Variants in STX8 observed in about 807,000 individuals in gnomAD.
STX8 encodes the protein syntaxin-8.
Under a neutral mutation model 37.5 loss-of-function variants are expected in STX8, and 23 were observed. That is an observed-to-expected ratio of 0.61 (90% CI 0.44 to 0.87). The LOEUF (loss-of-function observed/expected upper bound fraction) is 0.87, where lower values mean the gene tolerates loss of function less well. Ranked by LOEUF, STX8 falls within the 40% of genes least tolerant of loss-of-function variation. The pLI, the probability that STX8 is intolerant of heterozygous loss-of-function variation, is 0.00. For missense variants in STX8, 313 were observed against 284.7 expected (o/e 1.10, Z -0.71); for synonymous variants, 115 against 99.1 (o/e 1.16, Z -0.95).
intron 4 of STX8, among the ~76,000 whole-genome samples, chr17:9,536,964 TC>T (rs1206050660): frequency 6.6e-6 from 1 of 152,030 alleles, no homozygotes; most frequent in Non-Finnish European, 1.5e-5. Flanking sequence ...GCCAGGCTGG[TC>T]TCAAACCCCT....
At chr17:9,539,666 C>T (rs1441799935) in intron 4 of STX8, among the ~76,000 whole-genome samples, 1 of 151,728 alleles carries the variant, frequency 6.6e-6, no homozygotes, top group Non-Finnish European at 1.5e-5. Context: ...CCAACTGACC[C>T]CCCCCACCCC....
At chr17:9,518,069 C>G (rs1256195952) in intron 4 of STX8, among the ~76,000 whole-genome samples, 1 of 152,126 alleles carries the variant, frequency 6.6e-6, no homozygotes, top group East Asian at 1.9e-4. Flanking sequence ...ATCCCAGGAT[C>G]TCATAATTTT....
intron 7 of STX8, among the ~76,000 whole-genome samples, chr17:9,371,764 CA>C: frequency 6.6e-6 from 1 of 151,704 alleles, no homozygotes; most frequent in Admixed American, 6.6e-5. Flanking sequence ...GGTCCCTTTT[CA>C]AAATTTCTGT....
chr17:9,379,167 C>A (rs1911704596), intron 6 of STX8, among the ~76,000 whole-genome samples: 1 of 151,062 alleles, frequency 6.6e-6, no homozygotes, highest in African/African-American at 2.4e-5. Flanking sequence ...ATCGCTTGAA[C>A]CCGGGAGGCA....
chr17:9,346,795 C>A (rs1910549824), intron 7 of STX8, among the ~76,000 whole-genome samples: 1 of 152,156 alleles, frequency 6.6e-6, no homozygotes, highest in African/African-American at 2.4e-5. Flanking sequence ...ATGGCTGTAC[C>A]AGTTTTATGA....
intron 7 of STX8, among the ~76,000 whole-genome samples, chr17:9,296,108 C>T (rs1022636401): frequency 3.3e-5 from 5 of 151,864 alleles, no homozygotes; most frequent in Non-Finnish European, 5.9e-5. Flanking sequence ...GAGAATGGCG[C>T]GAACCCGGGA....
chr17:9,484,464 G>A (rs1906490644), intron 6 of STX8, among the ~76,000 whole-genome samples: 1 of 151,812 alleles, frequency 6.6e-6, no homozygotes. Flanking sequence ...AGCAGAGAGG[G>A]AAGAACAGTA....
intron 6 of STX8, among the ~76,000 whole-genome samples, chr17:9,400,051 T>A (rs372108132): frequency 6.6e-6 from 1 of 151,982 alleles, no homozygotes; most frequent in South Asian, 2.1e-4. Context: ...TTATAATAAC[T>A]TGGGGGCTTC....
intron 7 of STX8, among the ~76,000 whole-genome samples, chr17:9,333,565 T>G (rs1910033170): frequency 6.9e-6 from 1 of 145,506 alleles, no homozygotes; most frequent in Non-Finnish European, 1.6e-5. Flanking sequence ...TATTTTGTAT[T>G]TTTTTAGTAG....
chr17:9,502,598 C>G (rs1013440491), intron 5 of STX8, among the ~76,000 whole-genome samples: 2 of 152,088 alleles, frequency 1.3e-5, no homozygotes, highest in Non-Finnish European at 2.9e-5. Context: ...AAAAGTCAAA[C>G]AGCTACTATA....
intron 6 of STX8, among the ~76,000 whole-genome samples, chr17:9,424,558 C>G (rs1913556235): frequency 6.6e-6 from 1 of 152,086 alleles, no homozygotes; most frequent in Admixed American, 6.6e-5. Context: ...TCCATTCTCC[C>G]TCGATCCCCT....
At chr17:9,283,181 T>C (rs1194538802) in intron 7 of STX8, 1 of 152,200 alleles carries the variant, frequency 6.6e-6, no homozygotes, top group East Asian at 1.9e-4. Context: ...TGTGGACAAT[T>C]AGAAATTACT....
intron 6 of STX8, among the ~76,000 whole-genome samples, chr17:9,491,525 T>C (rs1906850160): frequency 1.3e-5 from 2 of 152,136 alleles, no homozygotes; most frequent in African/African-American, 4.8e-5. Flanking sequence ...GTGTACAAAG[T>C]GCTGAGCAAT....
intron 6 of STX8, among the ~76,000 whole-genome samples, chr17:9,434,829 G>A (rs1443329642): frequency 6.6e-6 from 1 of 152,152 alleles, no homozygotes; most frequent in Non-Finnish European, 1.5e-5. Context: ...TGAAGAGGTG[G>A]GTTATTTAGA....
chr17:9,473,277 C>T lies in STX8; in HGVS notation c.541+18552G>A, dbSNP rs552136232. 9.2e-5 allele frequency among the ~76,000 whole-genome samples: 14 copies of T among 152,206 alleles called. No homozygotes were observed. In the East Asian group the frequency reaches 2.3e-3, roughly 25 times the overall value. Reference sequence around the variant, plus strand: ...CCAGTGATCTGCCCGTCTTGGCCTCCCAAAGTGCTGGGATTACAGGCATGA... The same window carrying T: ...CCAGTGATCTGCCCGTCTTGGCCTCTCAAAGTGCTGGGATTACAGGCATGA... On this transcript the variant is annotated intron_variant, in intron 6 of 7. Coordinates refer to ENST00000306357, the MANE Select transcript of STX8 (RefSeq NM_004853.3).
intron 7 of STX8, among the ~76,000 whole-genome samples, chr17:9,338,239 A>C (rs1445935677): frequency 6.6e-6 from 1 of 151,882 alleles, no homozygotes; most frequent in South Asian, 2.1e-4. Flanking sequence ...TTTTTAGTAG[A>C]GATGGGTTTT....
chr17:9,548,598 G>GTAAC, intron 3 of STX8: 1 of 152,280 alleles, frequency 6.6e-6, no homozygotes, highest in Non-Finnish European at 1.5e-5. Flanking sequence ...ATATCAATAA[G>GTAAC]TAACTAGTGT....
intron 7 of STX8, among the ~76,000 whole-genome samples, chr17:9,347,999 C>T (rs533200749): frequency 6.6e-6 from 1 of 151,974 alleles, no homozygotes; most frequent in Admixed American, 6.5e-5. Flanking sequence ...AGTAATATTC[C>T]ATTGTATGGT....
At chr17:9,538,683 T>C (rs1450252172) in intron 4 of STX8, among the ~76,000 whole-genome samples, 7 of 152,200 alleles carry the variant, frequency 4.6e-5, no homozygotes, top group Non-Finnish European at 2.9e-5. Flanking sequence ...TGCTTGTTAA[T>C]ATATCCTTCT....
Sources: allele counts gnomAD v4.1 joint callset (sites outside exome capture counted in the v4.1 genomes callset), GRCh38; gene constraint gnomAD v4.1.1; transcripts MANE v1.5; gene names NCBI Gene and HGNC (gene_info 2026-07-23, HGNC 2026-07-21).